TPD52: variants seen among roughly 807,000 people sequenced by gnomAD.
The protein encoded by TPD52 is prostate and colon associated protein.
TPD52 carries 17 observed loss-of-function variants against 31.3 expected under a neutral mutation model. The observed-to-expected ratio is 0.54, with a 90% CI of 0.37 to 0.82. The LOEUF (loss-of-function observed/expected upper bound fraction) is 0.82. Ranked by LOEUF, TPD52 falls within the 40% of genes least tolerant of loss-of-function variation. TPD52 has a pLI of 0.00. For missense variants in TPD52, 212 were observed against 240.1 expected (o/e 0.88, Z 0.77); for synonymous variants, 83 against 89.6 (o/e 0.93, Z 0.42).
chr8:80,092,189 G>A (rs1816326343), intron 1 of TPD52, among the ~76,000 whole-genome samples: 2 of 152,036 alleles, frequency 1.3e-5, no homozygotes, highest in African/African-American at 4.8e-5. Flanking sequence ...CTCTTTTCTA[G>A]CTATTTTGAA....
intron 1 of TPD52, among the ~76,000 whole-genome samples, chr8:80,160,575 G>A (rs886524910): frequency 2.6e-5 from 4 of 152,074 alleles, no homozygotes; most frequent in African/African-American, 9.7e-5. Context: ...TCTCAGGCAG[G>A]CAAAATGTTT....
rs1208930850 is a variant in TPD52 at position 80,036,255 on chromosome 8, G to A, written c.*1861C>T. 6.6e-6 allele frequency: 1 copy of A among 152,534 alleles called. No homozygotes were observed. The highest frequency in any genetic ancestry group is 1.5e-5 in the Non-Finnish European group (1 of 68,036). 9.4% of individuals were successfully genotyped at this position (152,534 alleles called of 1,614,324 possible). A position where few individuals can be genotyped will look rare whatever the true frequency, so the allele number is the denominator to read the frequency against. ...TCCATTTTGCCTTGTTGAAAAGTTA[G>A]TAGCAGGGCAGGATGCTCAAGAAAC... On this transcript the variant is annotated 3_prime_UTR_variant, in exon 8 of 8. Coordinates refer to ENST00000518937, the MANE Select transcript of TPD52 (RefSeq NM_001025253.3).
intron 1 of TPD52, among the ~76,000 whole-genome samples, chr8:80,112,961 C>T (rs1256454133): frequency 6.6e-6 from 1 of 152,128 alleles, no homozygotes; most frequent in Non-Finnish European, 1.5e-5. Context: ...TTCATATACA[C>T]CTTATACATA....
chr8:80,040,530 TG>T (rs1282300703), intron 7 of TPD52, among the ~76,000 whole-genome samples: 1 of 152,178 alleles, frequency 6.6e-6, no homozygotes, highest in Non-Finnish European at 1.5e-5. Context: ...TTAATCTGAA[TG>T]GTGCCTAGTC....
chr8:80,047,696 T>C (rs2130474844), intron 5 of TPD52, among the ~76,000 whole-genome samples: 1 of 152,340 alleles, frequency 6.6e-6, no homozygotes, highest in East Asian at 1.9e-4. Flanking sequence ...TCAAAAGATA[T>C]TCTTTTTCTG....
intron 1 of TPD52, among the ~76,000 whole-genome samples, chr8:80,151,091 C>T (rs931525828): frequency 1.4e-4 from 22 of 152,234 alleles, no homozygotes; most frequent in East Asian, 1.9e-4. Flanking sequence ...AGGTCTTTCT[C>T]GTGCTGTTCT....
intron 1 of TPD52, among the ~76,000 whole-genome samples, chr8:80,068,727 G>T (rs1813431644): frequency 6.6e-6 from 1 of 152,158 alleles, no homozygotes; most frequent in African/African-American, 2.4e-5. Context: ...CACTGGCAGG[G>T]CAATGCATCT....
In TPD52 at chr8:80,106,446, T is replaced by C. The variant is rs182888136; in HGVS notation, c.20-41853A>G. On this transcript the variant is annotated intron_variant, in intron 1 of 7. Coordinates refer to ENST00000518937, the MANE Select transcript of TPD52 (RefSeq NM_001025253.3). The stretch of plus-strand genomic sequence containing the variant: ...ATCTTGGCTCACTGCAGGCTCCGCC[T>C]CCCGGGTTCACGCCATTCTCCTGCC... Among the ~76,000 whole-genome samples the C allele has an allele frequency of 6.1e-4, 93 of 152,234 alleles. No individual in the cohort carries two copies. The East Asian group carries it at 0.017, about 29-fold the overall frequency.
intron 1 of TPD52, among the ~76,000 whole-genome samples, chr8:80,165,182 T>C (rs1431937554): frequency 6.6e-6 from 1 of 152,156 alleles, no homozygotes; most frequent in Non-Finnish European, 1.5e-5. Context: ...ATTTTTCCCC[T>C]ATAAGACAAG....
intron 5 of TPD52, 66 bp downstream of exon 5, chr8:80,050,379 A>C: frequency 6.7e-7 from 1 of 1,490,446 alleles, no homozygotes. Context: ...TAGCATGGTA[A>C]TCTAATCTCA....
At chr8:80,085,083 T>C (rs1815635953) in intron 1 of TPD52, among the ~76,000 whole-genome samples, 1 of 152,204 alleles carries the variant, frequency 6.6e-6, no homozygotes, top group African/African-American at 2.4e-5. Context: ...AAGGTTGTAT[T>C]GTATGGTCCA....
At position 80,121,658 on chromosome 8, in the gene TPD52, C is replaced by T. The variant is rs115503650; in HGVS notation, c.19+49767G>A. Among the ~76,000 whole-genome samples, 455 of 152,338 alleles carry T rather than the reference C, an allele frequency of 3.0e-3. 7 individuals are homozygous for T. Among genetic ancestry groups the T allele is most frequent in the African/African-American group, 0.011 (438 of 41,580 alleles). ...GTACATCTGTTACAGGGAGTTCCTA[C>T]TGTGATTACATTCTTAGTGCAAATG... is the stretch of plus-strand genomic sequence containing the variant. On this transcript the variant is annotated intron_variant, in intron 1 of 7. Transcript: ENST00000518937.
In TPD52 at chr8:80,035,040, A is replaced by G. The variant is rs1227794005; in HGVS notation, c.*3076T>C. On this transcript the variant is annotated 3_prime_UTR_variant, in exon 8 of 8. Transcript: ENST00000518937. ...AGATGTGCAGGTTTACTTAAAAGTG[A>G]TAATGGTTTATATTAACTGTGGCCC... 6.6e-6 allele frequency: 1 copy of G among 152,232 alleles called. No homozygotes were observed. The highest frequency in any genetic ancestry group is 1.5e-5 in the Non-Finnish European group (1 of 68,044). 9.4% of individuals were successfully genotyped at this position (152,232 alleles called of 1,614,324 possible).
chr8:80,152,469 C>G (rs934144302), intron 1 of TPD52, among the ~76,000 whole-genome samples: 1 of 152,108 alleles, frequency 6.6e-6, no homozygotes, highest in Non-Finnish European at 1.5e-5. Flanking sequence ...CATCTAGCTC[C>G]AAAGATCTCT....
Position 80,051,523 on chromosome 8 carries a change from A to G in TPD52, c.386+4T>C, listed in dbSNP as rs149005387. On this transcript the variant is annotated splice_donor_region_variant and intron_variant, in intron 4 of 7. Coordinates refer to ENST00000518937, the MANE Select transcript of TPD52 (RefSeq NM_001025253.3). ...TTAATGAGCAAGGAAAAATGAGGAC[A>G]TACTTTACATCTTCCAGCTTTTTGG... 1 of 1,613,348 alleles carries G rather than the reference A, an allele frequency of 6.2e-7. No individual in the cohort carries two copies. The highest frequency in any genetic ancestry group is 8.5e-7 in the Non-Finnish European group (1 of 1,179,400).
At chr8:80,162,666 C>T (rs1001472015) in intron 1 of TPD52, among the ~76,000 whole-genome samples, 9 of 151,718 alleles carry the variant, frequency 5.9e-5, no homozygotes, top group African/African-American at 1.9e-4. Context: ...AGGCAATTTA[C>T]GTAATAAGAA....
chr8:80,082,131 TTTTAAG>T (rs1815360199), intron 1 of TPD52, among the ~76,000 whole-genome samples: 1 of 152,070 alleles, frequency 6.6e-6, no homozygotes. Flanking sequence ...TTTTTTTTTT[TTTTAAG>T]TTTATTTTTA....
chr8:80,129,261 C>A (rs567686826), intron 1 of TPD52, among the ~76,000 whole-genome samples: 5 of 152,216 alleles, frequency 3.3e-5, no homozygotes, highest in African/African-American at 1.2e-4. Flanking sequence ...TTAAAAATCA[C>A]AACCAGTCAC....
chr8:80,142,612 G>A (rs1809911246), intron 1 of TPD52, among the ~76,000 whole-genome samples: 1 of 121,468 alleles, frequency 8.2e-6, no homozygotes, highest in African/African-American at 2.8e-5. Context: ...TGAGGCACAA[G>A]AATTGCTTGA....
Sources: gnomAD v4.1 joint callset for allele counts (sites outside exome capture counted in the v4.1 genomes callset) on GRCh38, gnomAD v4.1.1 for gene constraint, MANE v1.5 for transcripts, NCBI Gene and HGNC (gene_info 2026-07-23, HGNC 2026-07-21) for gene names.